Variants in SLC9B1 observed in about 807,000 individuals in gnomAD.
SLC9B1 encodes sodium/hydrogen exchanger 9B1.
A neutral mutation model predicts 51.7 loss-of-function variants in SLC9B1; 32 were observed. That is an observed-to-expected ratio of 0.62 (90% CI 0.47 to 0.83). The LOEUF (loss-of-function observed/expected upper bound fraction) is 0.83. SLC9B1 is among the 40% of genes least tolerant of loss of function. The pLI is 0.00. For synonymous variants in SLC9B1, 145 were observed against 212.7 expected (o/e 0.68, Z 2.77); for missense variants, 406 against 613.2 (o/e 0.66, Z 3.57).
At chr4:102,895,517 CAG>C (rs1398497050) in intron 11 of SLC9B1, among the ~76,000 whole-genome samples, 1 of 151,960 alleles carries the variant, frequency 6.6e-6, no homozygotes, top group African/African-American at 2.4e-5. Context: ...CATTAAGAAA[CAG>C]AGTAGTGAAC....
chr4:102,967,720 CACTT>C (rs1738506574), intron 3 of SLC9B1, among the ~76,000 whole-genome samples: 2 of 152,196 alleles, frequency 1.3e-5, no homozygotes, highest in African/African-American at 4.8e-5. Context: ...AAGACCCAAA[CACTT>C]CCCATTAGGC....
intron 11 of SLC9B1, chr4:102,885,572 G>T: frequency 1.4e-6 from 1 of 702,638 alleles, no homozygotes; most frequent in Non-Finnish European, 2.5e-6. Context: ...CTAAATTGAA[G>T]TTTTCATGTC....
Position 102,932,307 on chromosome 4 carries a change from A to G in SLC9B1, c.654-8T>C, listed in dbSNP as rs774713228. 23 of 1,606,978 alleles carry G rather than the reference A, an allele frequency of 1.4e-5. No homozygotes were observed. In the Admixed American group the frequency reaches 3.7e-4, roughly 26 times the overall value. On this transcript the variant is annotated splice_polypyrimidine_tract_variant and splice_region_variant and intron_variant, in intron 6 of 11. Transcript: ENST00000296422. ...ACAGCACCTAGAACAAAACTGAAAG[A>G]AAGAATGAAAATTAATTTAAAAGCA...
intron 11 of SLC9B1, chr4:102,890,976 G>A (rs1734220286): frequency 6.6e-6 from 1 of 150,702 alleles, no homozygotes; most frequent in African/African-American, 2.5e-5. Context: ...TGGAAAGCAG[G>A]GGTGAATTAA....
At chr4:102,920,412 T>C (rs1222908962) in intron 7 of SLC9B1, among the ~76,000 whole-genome samples, 2 of 152,082 alleles carry the variant, frequency 1.3e-5, no homozygotes, top group Admixed American at 6.6e-5. Flanking sequence ...AGGTCAACAA[T>C]GTCAAAGAAC....
chr4:102,930,529 T>C (rs1209152017), intron 7 of SLC9B1, among the ~76,000 whole-genome samples: 1 of 152,158 alleles, frequency 6.6e-6, no homozygotes, highest in Non-Finnish European at 1.5e-5. Flanking sequence ...TTCAGCCTCC[T>C]GAGTAGCTGG....
At chr4:102,937,852 G>A (rs1405684753) in intron 6 of SLC9B1, among the ~76,000 whole-genome samples, 2 of 151,950 alleles carry the variant, frequency 1.3e-5, no homozygotes, top group African/African-American at 4.8e-5. Context: ...CACCAGACAT[G>A]CCTTACAAGA....
intron 11 of SLC9B1, 110 bp downstream of exon 11, chr4:102,905,404 A>T (rs986778437): frequency 1.8e-6 from 2 of 1,129,882 alleles, no homozygotes; most frequent in African/African-American, 3.2e-5. Context: ...TCAAACATTT[A>T]AAAAGTAAGG....
chr4:102,903,005 A>G (rs1330894210), intron 11 of SLC9B1, among the ~76,000 whole-genome samples: 2 of 152,206 alleles, frequency 1.3e-5, no homozygotes, highest in East Asian at 3.8e-4. Flanking sequence ...CATTATCGTT[A>G]TCTATTATTG....
intron 7 of SLC9B1, among the ~76,000 whole-genome samples, chr4:102,920,150 G>A (rs1358336493): frequency 6.6e-6 from 1 of 152,156 alleles, no homozygotes; most frequent in Non-Finnish European, 1.5e-5. Flanking sequence ...CTGCCAGTAG[G>A]GGCTGACAGA....
chr4:102,991,942 A>G (rs1578406268), intron 1 of SLC9B1, among the ~76,000 whole-genome samples: 1 of 152,156 alleles, frequency 6.6e-6, no homozygotes, highest in East Asian at 1.9e-4. Context: ...CAGAAATGTA[A>G]TATTTCTCAA....
intron 1 of SLC9B1, among the ~76,000 whole-genome samples, chr4:103,010,635 A>T (rs999946055): frequency 6.6e-6 from 1 of 152,210 alleles, no homozygotes; most frequent in East Asian, 1.9e-4. Flanking sequence ...AAAAGCTCAG[A>T]TCTCTGCTTC....
At chr4:102,981,568 C>G (rs1182328096) in intron 3 of SLC9B1, among the ~76,000 whole-genome samples, 1 of 152,232 alleles carries the variant, frequency 6.6e-6, no homozygotes, top group African/African-American at 2.4e-5. Flanking sequence ...GTAGTGGTCT[C>G]TCACTGTTGT....
rs755184052 is a variant in SLC9B1, at chr4:102,911,394, T to C, written c.936+37A>G. 42 of 1,418,890 alleles carry C rather than the reference T, an allele frequency of 3.0e-5. No individual in the cohort carries two copies. In the Admixed American group the frequency reaches 3.9e-4, roughly 13 times the overall value. 87.9% of individuals were successfully genotyped at this position (1,418,890 alleles called of 1,614,324 possible). A position where few individuals can be genotyped will look rare whatever the true frequency, so the allele number is the denominator to read the frequency against. On this transcript the variant is annotated intron_variant, in intron 8 of 11. Transcript: ENST00000296422. ...AGTTTAATATTTTGAAAAAAATGTC[T>C]AATACTATACTTCTATAAAATAGAT...
chr4:102,913,353 C>T (rs535586509), intron 7 of SLC9B1, among the ~76,000 whole-genome samples: 13 of 152,086 alleles, frequency 8.5e-5, no homozygotes, highest in African/African-American at 3.1e-4. Context: ...AACAACAGCT[C>T]CAGAAAAAGA....
chr4:102,939,143 GAA>G (rs1239886922), intron 6 of SLC9B1, among the ~76,000 whole-genome samples: 2 of 136,104 alleles, frequency 1.5e-5, no homozygotes. Flanking sequence ...GACCAATAAG[GAA>G]AAAAAAAAAA....
At chr4:102,951,519 G>T (rs1274775761) in intron 3 of SLC9B1, among the ~76,000 whole-genome samples, 2 of 151,110 alleles carry the variant, frequency 1.3e-5, no homozygotes, top group Non-Finnish European at 2.9e-5. Context: ...ATGAGAAGAA[G>T]AAATTACTTG....
chr4:102,958,779 C>T (rs36038787), intron 3 of SLC9B1, among the ~76,000 whole-genome samples: 6,411 of 151,998 alleles, frequency 0.042, 174 homozygotes, highest in Non-Finnish European at 0.062. Flanking sequence ...AAAAATTAGC[C>T]GGGCATGGTG....
intron 3 of SLC9B1, among the ~76,000 whole-genome samples, chr4:102,987,681 G>A (rs1434616109): frequency 3.9e-5 from 6 of 152,108 alleles, no homozygotes; most frequent in Admixed American, 2.6e-4. Context: ...GGCTGCAGAA[G>A]GTAAAACTTA....
Sources: gnomAD v4.1 joint callset for allele counts (sites outside exome capture counted in the v4.1 genomes callset) on GRCh38, gnomAD v4.1.1 for gene constraint, MANE v1.5 for transcripts, NCBI Gene and HGNC (gene_info 2026-07-23, HGNC 2026-07-21) for gene names.